The following NALCN variants were observed in gnomAD, a reference collection of about 807,000 sequenced individuals.
NALCN encodes the protein sodium leak channel NALCN.
In NALCN, 111 loss-of-function variants were observed where a neutral mutation model predicts 225.3. The observed-to-expected ratio is 0.49, with a 90% CI of 0.42 to 0.58. The LOEUF (loss-of-function observed/expected upper bound fraction) is 0.58. Among genes scored for constraint, NALCN ranks in the 20% least tolerant of loss-of-function variants. NALCN has a pLI of 0.00. For synonymous variants in NALCN, 764 were observed against 769.0 expected (o/e 0.99, Z 0.11); for missense variants, 1,378 against 2,202.4 (o/e 0.63, Z 7.49).
chr13:101,346,087 C>CTCTCTATATCTATA, intron 6 of NALCN, among the ~76,000 whole-genome samples: 1 of 70,938 alleles, frequency 1.4e-5, no homozygotes, highest in African/African-American at 5.6e-5. Flanking sequence ...CTCTCTCTCT[C>CTCTCTATATCTATA]TATATATATA....
intron 14 of NALCN, among the ~76,000 whole-genome samples, chr13:101,188,691 TA>T (rs1272581663): frequency 4.0e-5 from 6 of 151,262 alleles, no homozygotes; most frequent in African/African-American, 7.3e-5. Flanking sequence ...TATATATATA[TA>T]TATTTTTTTG....
At chr13:101,275,897 C>A (rs2042953877) in intron 10 of NALCN, among the ~76,000 whole-genome samples, 1 of 151,750 alleles carries the variant, frequency 6.6e-6, no homozygotes. Context: ...AACCCCGTCT[C>A]TACTAAAATA....
At chr13:101,083,461 G>C (rs557370897) in intron 31 of NALCN, among the ~76,000 whole-genome samples, 14 of 152,130 alleles carry the variant, frequency 9.2e-5, no homozygotes, top group Non-Finnish European at 1.8e-4. Context: ...TAAAAGGCAA[G>C]AGCAAATATA....
At chr13:101,132,624 T>A (rs1394273693) in intron 17 of NALCN, among the ~76,000 whole-genome samples, 2 of 152,066 alleles carry the variant, frequency 1.3e-5, no homozygotes, top group Non-Finnish European at 2.9e-5. Flanking sequence ...GGTATTATTA[T>A]CTCTTTTTTC....
intron 14 of NALCN, among the ~76,000 whole-genome samples, chr13:101,179,313 C>CTT (rs35464695): frequency 2.6e-5 from 4 of 151,800 alleles, no homozygotes; most frequent in Admixed American, 2.0e-4. Flanking sequence ...CAAATTGCAG[C>CTT]TTTTTTTTCA....
chr13:101,170,668 T>C (rs1371805609), intron 15 of NALCN, among the ~76,000 whole-genome samples: 1 of 152,170 alleles, frequency 6.6e-6, no homozygotes, highest in Non-Finnish European at 1.5e-5. Context: ...TCTTAATATA[T>C]AATATCTATC....
At chr13:101,334,320 T>C (rs1308974144) in intron 7 of NALCN, among the ~76,000 whole-genome samples, 1 of 147,934 alleles carries the variant, frequency 6.8e-6, no homozygotes, top group African/African-American at 2.6e-5. Context: ...TAGGGGAAAC[T>C]TACCTGAGTA....
At chr13:101,413,049 T>C (rs2047834822) in intron 1 of NALCN, among the ~76,000 whole-genome samples, 1 of 152,324 alleles carries the variant, frequency 6.6e-6, no homozygotes, top group East Asian at 1.9e-4. Flanking sequence ...CAAATTATTA[T>C]GTTACCTTCT....
chr13:101,398,990 G>A (rs1457854463), intron 2 of NALCN, 29 bp downstream of exon 2: 2 of 1,338,150 alleles, frequency 1.5e-6, no homozygotes, highest in Non-Finnish European at 2.2e-6. Flanking sequence ...ATCCACATAT[G>A]CTTCTCCATA....
chr13:101,313,500 A>C (rs2044433544), intron 7 of NALCN, among the ~76,000 whole-genome samples: 1 of 152,212 alleles, frequency 6.6e-6, no homozygotes, highest in Non-Finnish European at 1.5e-5. Context: ...ACCCCATCAA[A>C]AAGTGGGTGA....
At chr13:101,294,569 T>C (rs2043670503) in intron 7 of NALCN, among the ~76,000 whole-genome samples, 1 of 148,384 alleles carries the variant, frequency 6.7e-6, no homozygotes, top group Non-Finnish European at 1.5e-5. Context: ...TCTTTTTTTT[T>C]TTTTTTTTTT....
chr13:101,140,577 A>G (rs1274563177), intron 17 of NALCN, among the ~76,000 whole-genome samples: 4 of 152,168 alleles, frequency 2.6e-5, no homozygotes, highest in South Asian at 2.1e-4. Context: ...TCTGCTTTGG[A>G]AACAAAACAA....
chr13:101,304,513 G>A (rs2044085554), intron 7 of NALCN, among the ~76,000 whole-genome samples: 1 of 151,100 alleles, frequency 6.6e-6, no homozygotes, highest in African/African-American at 2.4e-5. Context: ...ATGGAATGCA[G>A]TGGTGCCATC....
chr13:101,305,203 T>C (rs551391406), intron 7 of NALCN, among the ~76,000 whole-genome samples: 4 of 152,358 alleles, frequency 2.6e-5, no homozygotes, highest in South Asian at 2.1e-4. Flanking sequence ...TTGTCTCTTA[T>C]TGGGACATGA....
At chr13:101,236,477 G>A (rs1293338259) in intron 12 of NALCN, among the ~76,000 whole-genome samples, 2 of 151,992 alleles carry the variant, frequency 1.3e-5, no homozygotes, top group African/African-American at 2.4e-5. Flanking sequence ...TGTTTATTGC[G>A]GCACTCTTCA....
intron 28 of NALCN, among the ~76,000 whole-genome samples, chr13:101,093,880 A>G (rs1337304060): frequency 1.3e-5 from 2 of 152,172 alleles, no homozygotes; most frequent in East Asian, 3.9e-4. Context: ...AAAGTTGGCC[A>G]CTTTCTTCAC....
At chr13:101,218,373 G>T (rs758026461) in intron 13 of NALCN, among the ~76,000 whole-genome samples, 5 of 152,096 alleles carry the variant, frequency 3.3e-5, no homozygotes, top group African/African-American at 1.2e-4. Context: ...TAAAATTAAG[G>T]TGTTAGCAGG....
intron 6 of NALCN, among the ~76,000 whole-genome samples, chr13:101,363,123 T>G (rs2046292692): frequency 1.3e-5 from 2 of 152,152 alleles, no homozygotes; most frequent in East Asian, 1.9e-4. Context: ...TCGATGCTCA[T>G]GAATTGGAAG....
intron 6 of NALCN, among the ~76,000 whole-genome samples, chr13:101,375,307 G>A (rs1283911995): frequency 6.6e-6 from 1 of 152,072 alleles, no homozygotes; most frequent in Non-Finnish European, 1.5e-5. Context: ...CCTCTAGAAA[G>A]TATGTCCTGT....
Sources: allele counts gnomAD v4.1 joint callset (sites outside exome capture counted in the v4.1 genomes callset), GRCh38; gene constraint gnomAD v4.1.1; transcripts MANE v1.5; gene names NCBI Gene and HGNC (gene_info 2026-07-23, HGNC 2026-07-21).